Variants in SSUH2 observed in about 807,000 individuals in gnomAD.
SSUH2 encodes ssu-2 homolog.
SSUH2 carries 47 observed loss-of-function variants against 55.3 expected under a neutral mutation model. The observed-to-expected ratio is 0.85, with a 90% confidence interval of 0.67 to 1.08. The LOEUF (loss-of-function observed/expected upper bound fraction) is 1.08. Among genes scored for constraint, SSUH2 ranks in the 50% least tolerant of loss-of-function variants. The pLI, the probability that SSUH2 is intolerant of heterozygous loss-of-function variation, is 0.00. For missense variants in SSUH2, 535 were observed against 490.7 expected, an observed-to-expected ratio of 1.09 and a Z score of -0.85; for synonymous variants, 212 against 191.5, an observed-to-expected ratio of 1.11 and a Z score of -0.89.
At chr3:8,642,338 A>T (rs1481420732) in intron 1 of SSUH2, among the ~76,000 whole-genome samples, 2 of 152,212 alleles carry the variant, frequency 1.3e-5, no homozygotes, top group Non-Finnish European at 2.9e-5. Context: ...AAAAGAAAAG[A>T]CTTACAGGGC....
At chr3:8,668,041 T>C (rs1704150284) in intron 5 of SSUH2, among the ~76,000 whole-genome samples, 2 of 152,070 alleles carry the variant, frequency 1.3e-5, no homozygotes, top group South Asian at 4.2e-4. Flanking sequence ...TTTTCAATTT[T>C]TAAAAAAAAT....
At position 8,624,307 on chromosome 3, in the gene SSUH2, T is replaced by C. The variant is rs546624945; in HGVS notation, c.874-651A>G. Among the ~76,000 whole-genome samples, 304 of 152,278 alleles carry C rather than the reference T, an allele frequency of 2.0e-3. 3 individuals are homozygous for C. Among genetic ancestry groups the C allele is most frequent in the African/African-American group, 7.1e-3 (294 of 41,550 alleles). Reference sequence around the variant, plus strand: ...CTGGGCCCAGTGCTGCTGTGGACGCTGAGGGTGAGACGGTGGTCAGAGCTC... The same window carrying C: ...CTGGGCCCAGTGCTGCTGTGGACGCCGAGGGTGAGACGGTGGTCAGAGCTC... On this transcript the variant is annotated intron_variant, in intron 10 of 11. Transcript: ENST00000544814.
In SSUH2 at chr3:8,679,167, G is replaced by C. The variant is rs1236936509; in HGVS notation, c.-901+538C>G. The stretch of plus-strand genomic sequence containing the variant: ...CCCGCGAGGCGGGGACTGAGAGGCA[G>C]CCGCTGTTCCCCCACACTGGCTCTT... On this transcript the variant is annotated intron_variant, in intron 2 of 18. Coordinates refer to the SSUH2 transcript ENST00000317371. Among the ~76,000 whole-genome samples the C allele has an allele frequency of 7.6e-5, 3 of 39,402 alleles. 1 individual carries two copies. The highest frequency in any genetic ancestry group is 1.7e-4 in the Non-Finnish European group (3 of 18,058). The allele number at this position is 39,402 out of a possible 152,430, so 25.8% of individuals were successfully genotyped here.
chr3:8,670,532 G>A (rs894704381), intron 5 of SSUH2, among the ~76,000 whole-genome samples: 4 of 151,936 alleles, frequency 2.6e-5, no homozygotes, highest in South Asian at 2.1e-4. Flanking sequence ...TATCACAGGC[G>A]TTGAATACGT....
chr3:8,622,170 C>G (rs1468282980), intron 11 of SSUH2, among the ~76,000 whole-genome samples: 2 of 152,142 alleles, frequency 1.3e-5, no homozygotes, highest in Non-Finnish European at 2.9e-5. Context: ...TCTAACTTCT[C>G]CATCTTGAGT....
At chr3:8,679,088 A>G (rs557235267) in intron 2 of SSUH2, among the ~76,000 whole-genome samples, 8 of 84,876 alleles carry the variant, frequency 9.4e-5, no homozygotes, top group African/African-American at 2.9e-4. Context: ...GACTGAGAGC[A>G]AGCACCTCTT....
chr3:8,654,325 C>T (rs747439818), intron 7 of SSUH2, among the ~76,000 whole-genome samples: 37 of 152,368 alleles, frequency 2.4e-4, no homozygotes, highest in South Asian at 6.2e-4. Context: ...AGGGCTTCAA[C>T]AGATGAATTT....
intron 3 of SSUH2, chr3:8,634,621 C>T: frequency 7.8e-7 from 1 of 1,278,736 alleles, no homozygotes; most frequent in South Asian, 1.2e-5. Context: ...CCAGAGATGA[C>T]TCCCCGGAGG....
rs890505846 is a variant in SSUH2, at chr3:8,634,008, C to T, written c.210-213G>A. 1.4e-5 allele frequency: 22 copies of T among 1,520,812 alleles called. No individual in the cohort carries two copies. The African/African-American group carries it at 2.5e-4, about 17-fold the overall frequency. The allele number at this position is 1,520,812 out of a possible 1,614,324, so 94.2% of individuals were successfully genotyped here. On this transcript the variant is annotated intron_variant, in intron 3 of 11. Coordinates refer to ENST00000544814, the MANE Select transcript of SSUH2 (RefSeq NM_001256748.3). ...GGGGCAGGTTTTCCTAGAGAACAGCCAAAAACACTTTAGTTGAAATGTGGA... is the reference window on the plus strand; with the variant it reads ...GGGGCAGGTTTTCCTAGAGAACAGCTAAAAACACTTTAGTTGAAATGTGGA...
chr3:8,678,972 GC>G (rs1219559062), intron 2 of SSUH2, among the ~76,000 whole-genome samples: 4 of 104,200 alleles, frequency 3.8e-5, no homozygotes, highest in Non-Finnish European at 6.8e-5. Flanking sequence ...CCATCGCAGG[GC>G]GGAGAGTCAC....
At chr3:8,674,041 G>C (rs576449077) in intron 3 of SSUH2, among the ~76,000 whole-genome samples, 67 of 152,344 alleles carry the variant, frequency 4.4e-4, no homozygotes, top group African/African-American at 1.6e-3. Context: ...TGCAGAAGCA[G>C]GCTGGGCTTG....
Position 8,619,898 on chromosome 3 carries a change from C to G in SSUH2, c.1098G>C (p.Glu366Asp). ...CGATGGTACAGCCACAGCAATACCG[C>G]TCAGGATAGTCCACCGCATACACCT... is the stretch of plus-strand genomic sequence containing the variant. ...DHQVYAVDYP[E>D]RYCCGCTIV The change falls in exon 12 of 12, where the codon GAG becomes GAC. Residue 366 changes from glutamate (E) to aspartate (D), a missense_variant. Transcript: ENST00000544814. The G allele has an allele frequency of 1.9e-6, 3 of 1,614,142 alleles. No homozygotes were observed. Among genetic ancestry groups the G allele is most frequent in the Non-Finnish European group, 2.5e-6 (3 of 1,180,012 alleles).
At chr3:8,655,409 G>A (rs537132241) in intron 7 of SSUH2, among the ~76,000 whole-genome samples, 1 of 119,082 alleles carries the variant, frequency 8.4e-6, no homozygotes, top group East Asian at 2.6e-4. Context: ...CTCATCCCCC[G>A]GGTCTCAGTG....
chr3:8,629,697 C>T lies in SSUH2; in HGVS notation c.555G>A (p.Arg185=), dbSNP rs1365573443. ...KECHKCHGRG[R]YKCSGCHGAG... is the part of the protein sequence containing the mutation. ...CCCCGTGGCAGCCGCTGCACTTGTA[C>T]CGCCCACGCCCATGGCATTTGTGGC... is the stretch of plus-strand genomic sequence containing the variant. The change falls in exon 7 of 12, where the codon CGG becomes CGA. Residue 185 remains arginine, a synonymous_variant. Transcript: ENST00000544814. The T allele has an allele frequency of 6.2e-7, 1 of 1,614,202 alleles. No individual in the cohort carries two copies. Among genetic ancestry groups the T allele is most frequent in the Non-Finnish European group, 8.5e-7 (1 of 1,180,042 alleles).
intron 10 of SSUH2, among the ~76,000 whole-genome samples, chr3:8,624,252 C>T (rs954262512): frequency 2.0e-5 from 3 of 152,208 alleles, no homozygotes; most frequent in Non-Finnish European, 4.4e-5. Flanking sequence ...AACTGTGGCT[C>T]CTTCCTCCAC....
chr3:8,626,229 C>G lies in SSUH2; in HGVS notation c.767G>C (p.Trp256Ser). 3 of 1,613,616 alleles carry G rather than the reference C, an allele frequency of 1.9e-6. No homozygotes were observed. The highest frequency in any genetic ancestry group is 2.5e-6 in the Non-Finnish European group (3 of 1,179,550). The change falls in exon 9 of 12, where the codon TGG (tryptophan) becomes TCG (serine). Residue 256 changes from tryptophan to serine, a missense_variant and splice_region_variant. Transcript: ENST00000544814. ...ACAGCATTGAGACACTGCCACATAC[C>G]ACATGATGACAAGCTGGATGAAGTG... ...LLHFIQLVIMWKNSLFEFVSE... is the reference protein window; with the variant it reads ...LLHFIQLVIMSKNSLFEFVSE...
intron 5 of SSUH2, among the ~76,000 whole-genome samples, chr3:8,666,861 C>T (rs1245608617): frequency 6.6e-6 from 1 of 152,202 alleles, no homozygotes; most frequent in East Asian, 1.9e-4. Flanking sequence ...TTGGGTTTGA[C>T]TCATTTGCTG....
At chr3:8,671,239 C>T (rs1704528198) in intron 4 of SSUH2, 1 of 170,956 alleles carries the variant, frequency 5.8e-6, no homozygotes, top group Admixed American at 5.8e-5. Context: ...CGTAACATCA[C>T]TGTGTGTCCA....
intron 6 of SSUH2, among the ~76,000 whole-genome samples, chr3:8,662,287 T>C (rs572729974): frequency 7.2e-5 from 11 of 152,328 alleles, no homozygotes; most frequent in African/African-American, 2.4e-4. Context: ...ACAAAACCTG[T>C]GTCCCCTAAC....
Sources: gnomAD v4.1 joint callset for allele counts (sites outside exome capture counted in the v4.1 genomes callset) on GRCh38, gnomAD v4.1.1 for gene constraint, MANE v1.5 for transcripts, NCBI Gene and HGNC (gene_info 2026-07-23, HGNC 2026-07-21) for gene names.